The following TTC31 variants were observed in gnomAD, a reference collection of about 807,000 sequenced individuals.
The protein encoded by TTC31 is tetratricopeptide repeat domain 31.
In TTC31, 59 loss-of-function variants were observed where a neutral mutation model predicts 60.4. That is an observed-to-expected ratio of 0.98 (90% confidence interval 0.79 to 1.21). The LOEUF (loss-of-function observed/expected upper bound fraction) is 1.21. Among genes scored for constraint, TTC31 ranks in the 50% most tolerant of loss-of-function variants. The pLI is 0.00. For missense variants in TTC31, 672 were observed against 646.9 expected (o/e 1.04, Z -0.42); for synonymous variants, 225 against 249.6 (o/e 0.90, Z 0.93).
intron 2 of TTC31, among the ~76,000 whole-genome samples, chr2:74,485,475 T>C (rs1430897786): frequency 1.3e-5 from 2 of 149,480 alleles, no homozygotes; most frequent in South Asian, 2.1e-4. Context: ...ATTTCTTTTT[T>C]TTTTTTTTTT....
Position 74,492,662 on chromosome 2 carries a change from C to T in TTC31, c.1178C>T (p.Ala393Val), listed in dbSNP as rs1211800966. The T allele has an allele frequency of 1.9e-6, 3 of 1,614,070 alleles. No homozygotes were observed. Among genetic ancestry groups the T allele is most frequent in the South Asian group, 2.2e-5 (2 of 91,092 alleles). Residue 393 changes from alanine to valine, a missense_variant, in exon 12 of 13, where the codon GCT becomes GTT. Transcript: ENST00000233623. ...GGACCAAAGCGCTTCAGAGAGGCAG[C>T]TGCTGTGTTTCAGGAAACTCTGAGA... Reference protein sequence around the residue: ...LMGLQRFREAAAVFQETLRGG... With the variant: ...LMGLQRFREAVAVFQETLRGG...
intron 2 of TTC31, among the ~76,000 whole-genome samples, chr2:74,488,596 A>G (rs1188794489): frequency 2.0e-5 from 3 of 152,196 alleles, no homozygotes; most frequent in Non-Finnish European, 1.5e-5. Context: ...AAGTTAAATG[A>G]CTTCTCCAGA....
rs866001312 is a variant in TTC31 at position 74,490,298 on chromosome 2, G to A, written c.287G>A (p.Arg96Lys). 2 of 1,614,022 alleles carry A rather than the reference G, an allele frequency of 1.2e-6. No individual in the cohort carries two copies. Among genetic ancestry groups the A allele is most frequent in the Non-Finnish European group, 1.7e-6 (2 of 1,180,020 alleles). ...GGGAAATCAACTGGACAGAGTGACA[G>A]GGGCAAGGGGGCTGAGGGACTGGGC... The part of the protein sequence containing the change: ...DEGKSTGQSD[R>K]GKGAEGLGTY... The change falls in exon 4 of 13, where the codon AGG becomes AAG. Residue 96 changes from arginine (R) to lysine (K), a missense_variant. Transcript: ENST00000233623.
intron 5 of TTC31, 49 bp from the exon 6 acceptor site, chr2:74,491,079 A>G: frequency 6.2e-7 from 1 of 1,608,158 alleles, no homozygotes; most frequent in Non-Finnish European, 8.5e-7. Flanking sequence ...CCAGCACACG[A>G]CATACAGTAA....
At chr2:74,491,055 T>A (rs1021971564) in intron 5 of TTC31, 73 bp from the exon 6 acceptor site, 1 of 1,581,154 alleles carries the variant, frequency 6.3e-7, no homozygotes, top group African/African-American at 1.3e-5. Context: ...AAAGATGGAA[T>A]GCGAAATCTT....
intron 12 of TTC31, 32 bp from the exon 13 acceptor site, chr2:74,492,890 A>G: frequency 6.3e-7 from 1 of 1,582,970 alleles, no homozygotes. Context: ...GCTTAAAAGA[A>G]GGATCTGGTG....
intron 2 of TTC31, among the ~76,000 whole-genome samples, chr2:74,484,383 A>C (rs904752606): frequency 6.6e-6 from 1 of 152,162 alleles, no homozygotes; most frequent in Non-Finnish European, 1.5e-5. Context: ...GGTGGGAGAG[A>C]AGGCAGCAGA....
intron 11 of TTC31, 23 bp downstream of exon 11, chr2:74,492,468 CA>C (rs1674032154): frequency 2.0e-6 from 3 of 1,523,610 alleles, no homozygotes; most frequent in Non-Finnish European, 2.6e-6. Flanking sequence ...GGGCTGGAAA[CA>C]GGAGAGATTT....
intron 2 of TTC31, among the ~76,000 whole-genome samples, chr2:74,488,211 C>T (rs1673370085): frequency 6.6e-6 from 1 of 152,174 alleles, no homozygotes; most frequent in Non-Finnish European, 1.5e-5. Context: ...AAGTATAAGA[C>T]TGATGAAAGT....
rs575151753 is a variant in TTC31, at chr2:74,492,417, G to A, written c.1133G>A (p.Arg378His). Residue 378 changes from arginine to histidine, a missense_variant, in exon 11 of 13, where the codon CGC (arginine) becomes CAC (histidine). By Grantham distance (29) the Arg-to-His change is conservative. Coordinates refer to ENST00000233623, the MANE Select transcript of TTC31 (RefSeq NM_022492.6). ...CCTGGCTGGCCCCGGGGCCTCTTCC[G>A]CCTGGGCAAGGCCTTGATGGGACTA... Reference protein sequence around the residue: ...LRPGWPRGLFRLGKALMGLQR... With the variant: ...LRPGWPRGLFHLGKALMGLQR... The A allele has an allele frequency of 2.6e-5, 40 of 1,523,516 alleles. No homozygotes were observed. The East Asian group carries it at 3.9e-4, about 15-fold the overall frequency. 94.4% of individuals were successfully genotyped at this position (1,523,516 alleles called of 1,614,324 possible).
At chr2:74,490,893 C>T in intron 5 of TTC31, 154 bp downstream of exon 5, 1 of 915,408 alleles carries the variant, frequency 1.1e-6, no homozygotes, top group African/African-American at 1.7e-5. Context: ...GGGGGTCTCT[C>T]ACAGGCCATC....
In TTC31 at chr2:74,493,117, C is replaced by A; in HGVS notation, c.1459C>A (p.Gln487Lys). Residue 487 changes from glutamine to lysine, a missense_variant, in exon 13 of 13, where the codon CAG becomes AAG. Transcript: ENST00000233623. ...AAGCCACCCCAACCAGCCCCTCTCC[C>A]AGACTCAGAGTAGAAGGCCCCATCC... ...HRSHPNQPLSQTQSRRPHPLK... is the reference protein window; with the variant it reads ...HRSHPNQPLSKTQSRRPHPLK... 6.2e-7 allele frequency: 1 copy of A among 1,614,162 alleles called. No individual in the cohort carries two copies. Among genetic ancestry groups the A allele is most frequent in the Non-Finnish European group, 8.5e-7 (1 of 1,180,026 alleles).
At chr2:74,492,113 A>T in intron 9 of TTC31, 26 bp from the exon 10 acceptor site, 1 of 1,614,014 alleles carries the variant, frequency 6.2e-7, no homozygotes, top group Non-Finnish European at 8.5e-7. Context: ...CCCCATCTGA[A>T]CCTTCTCACC....
chr2:74,483,457 G>A (rs772059812), intron 2 of TTC31, 47 bp downstream of exon 2: 24 of 1,613,490 alleles, frequency 1.5e-5, no homozygotes, highest in Non-Finnish European at 3.4e-6. Flanking sequence ...TTTTGGTCAC[G>A]CCTCTTTGAA....
At chr2:74,491,218 G>A (rs1393150225) in intron 6 of TTC31, 34 bp downstream of exon 6, 2 of 1,614,204 alleles carry the variant, frequency 1.2e-6, no homozygotes, top group African/African-American at 2.7e-5. Flanking sequence ...AGAGCACCAA[G>A]TGCCAGGAAG....
intron 1 of TTC31, 38 bp from the exon 2 acceptor site, chr2:74,483,284 C>G (rs570700130): frequency 6.8e-6 from 11 of 1,613,382 alleles, no homozygotes; most frequent in Admixed American, 6.7e-5. Context: ...CCATCTGTCC[C>G]GAGCCCGCTG....
chr2:74,485,237 G>A (rs1672960101), intron 2 of TTC31, among the ~76,000 whole-genome samples: 1 of 151,488 alleles, frequency 6.6e-6, no homozygotes, highest in African/African-American at 2.4e-5. Context: ...TATTGGCCAG[G>A]CTGGTCTCAA....
At chr2:74,491,848 G>A in intron 8 of TTC31, 156 bp from the exon 9 acceptor site, 2 of 1,439,178 alleles carry the variant, frequency 1.4e-6, no homozygotes, top group Non-Finnish European at 1.9e-6. Flanking sequence ...GTGGTTTCCT[G>A]TCTAGGAAGA....
intron 8 of TTC31, 154 bp from the exon 9 acceptor site, chr2:74,491,850 C>G: frequency 6.9e-7 from 1 of 1,445,346 alleles, no homozygotes; most frequent in Admixed American, 2.1e-5. Context: ...GGTTTCCTGT[C>G]TAGGAAGATA....
Sources: gnomAD v4.1 joint callset for allele counts (sites outside exome capture counted in the v4.1 genomes callset) on GRCh38, gnomAD v4.1.1 for gene constraint, MANE v1.5 for transcripts, NCBI Gene and HGNC (gene_info 2026-07-23, HGNC 2026-07-21) for gene names.